The following ABLIM1 variants were observed in gnomAD, a reference collection of about 807,000 sequenced individuals.
ABLIM1 encodes actin binding LIM protein 1.
In ABLIM1, 40 loss-of-function variants were observed where a neutral mutation model predicts 107.0. The ratio of observed to expected loss-of-function variants is 0.37; its 90% CI spans 0.29 to 0.49. ABLIM1 has a LOEUF of 0.49. ABLIM1 is among the 20% of genes least tolerant of loss of function. The pLI is 0.97. For synonymous variants in ABLIM1, 357 were observed against 357.3 expected, an observed-to-expected ratio of 1.00 and a Z score of 0.01; for missense variants, 857 against 1,008.5, an observed-to-expected ratio of 0.85 and a Z score of 2.04.
At chr10:114,443,060 G>A (rs572965732) in intron 17 of ABLIM1, among the ~76,000 whole-genome samples, 8 of 152,066 alleles carry the variant, frequency 5.3e-5, no homozygotes, top group South Asian at 2.1e-4. Flanking sequence ...GGATGGTCTC[G>A]ATCTCCTGAC....
At chr10:114,500,418 T>C (rs567073753) in intron 6 of ABLIM1, among the ~76,000 whole-genome samples, 121 of 152,204 alleles carry the variant, frequency 7.9e-4, no homozygotes, top group African/African-American at 2.7e-3. Flanking sequence ...AAACCTACTA[T>C]GGCCAAAGTG....
At chr10:114,607,025 T>C (rs1047096852) in intron 1 of ABLIM1, among the ~76,000 whole-genome samples, 1 of 152,080 alleles carries the variant, frequency 6.6e-6, no homozygotes, top group Non-Finnish European at 1.5e-5. Flanking sequence ...GGCCCTCAAC[T>C]CCTTTTTCTC....
chr10:114,708,283 C>T (rs545989374), intron 1 of ABLIM1, among the ~76,000 whole-genome samples: 1 of 152,316 alleles, frequency 6.6e-6, no homozygotes, highest in East Asian at 1.9e-4. Context: ...CATAGCTACA[C>T]CCTCTGAAGG....
At position 114,658,042 on chromosome 10, in the gene ABLIM1, C is replaced by A. The variant is rs896032946; in HGVS notation, c.159G>T (p.Arg53Ser). 6.8e-6 allele frequency: 11 copies of A among 1,614,076 alleles called. No individual in the cohort carries two copies. The African/African-American group carries it at 1.3e-4, about 20-fold the overall frequency. The change falls in exon 1 of 23, where the codon AGG (arginine) becomes AGT (serine). Residue 53 changes from arginine to serine, a missense_variant. Transcript: ENST00000533213. ...RVSGTSFTAH[R>S]RATITHLLYL... ...ACAGCAAATGAGTGATAGTGGCACG[C>A]CTATGAGCGGTGAAGGAGGTCCCAG...
intron 1 of ABLIM1, among the ~76,000 whole-genome samples, chr10:114,746,039 T>C (rs1343021536): frequency 6.6e-6 from 1 of 152,198 alleles, no homozygotes. Context: ...CAAATTTGAA[T>C]ACAGTGTGGA....
At chr10:114,775,287 G>A in the ABLIM1 span, among the ~76,000 whole-genome samples, 16 of 152,122 alleles carry the variant, frequency 1.1e-4, no homozygotes, top group Non-Finnish European at 1.3e-4. Context: ...ATTACAATTC[G>A]AGATGAGATT....
At position 114,477,973 on chromosome 10, in the gene ABLIM1, C is replaced by T. The variant is rs145020248; in HGVS notation, c.1042-4017G>A. The stretch of plus-strand genomic sequence containing the variant: ...TCCTGACCTCATGATTTGCCTGCCT[C>T]GGCCTCCCAAAGTGCTGGGATTACA... On this transcript the variant is annotated intron_variant, in intron 8 of 22. Coordinates refer to ENST00000533213, the MANE Select transcript of ABLIM1 (RefSeq NM_002313.7). 6.0e-3 allele frequency among the ~76,000 whole-genome samples: 912 copies of T among 152,264 alleles called. 16 individuals are homozygous for T. The highest frequency in any genetic ancestry group is 0.021 in the African/African-American group (882 of 41,544).
rs1447589755 is a variant in ABLIM1 at position 114,433,329 on chromosome 10, C to T, written c.*2931G>A. Reference sequence around the variant, plus strand: ...AGCCCAGTTTAACTAAATGTGCAGGCATTCTAGCCCACACATTCAATCTGG... The same window carrying T: ...AGCCCAGTTTAACTAAATGTGCAGGTATTCTAGCCCACACATTCAATCTGG... On this transcript the variant is annotated 3_prime_UTR_variant, in exon 23 of 23. Coordinates refer to ENST00000533213, the MANE Select transcript of ABLIM1 (RefSeq NM_002313.7). The T allele has an allele frequency of 1.3e-5, 2 of 152,208 alleles. No individual in the cohort carries two copies. The highest frequency in any genetic ancestry group is 6.5e-5 in the Admixed American group (1 of 15,282). 9.4% of individuals were successfully genotyped at this position (152,208 alleles called of 1,614,324 possible). A position where few individuals can be genotyped will look rare whatever the true frequency, so the allele number is the denominator to read the frequency against.
intron 1 of ABLIM1, among the ~76,000 whole-genome samples, chr10:114,609,986 G>A (rs1269239352): frequency 2.0e-5 from 3 of 152,164 alleles, no homozygotes; most frequent in Non-Finnish European, 4.4e-5. Context: ...GGCCACATTT[G>A]GAAGCACTGT....
the ABLIM1 span, chr10:114,779,167 A>G: frequency 2.6e-5 from 4 of 152,194 alleles, no homozygotes; most frequent in African/African-American, 4.8e-5. Context: ...TTCTCTCCTT[A>G]ATCAGTAATA....
At chr10:114,737,483 C>G (rs1272521876) in intron 1 of ABLIM1, among the ~76,000 whole-genome samples, 1 of 152,212 alleles carries the variant, frequency 6.6e-6, no homozygotes, top group East Asian at 1.9e-4. Flanking sequence ...TTCCAAATCC[C>G]TCCCAACCTG....
chr10:114,693,644 T>C (rs976700556), intron 1 of ABLIM1, among the ~76,000 whole-genome samples: 2 of 151,970 alleles, frequency 1.3e-5, no homozygotes, highest in African/African-American at 2.4e-5. Context: ...TCTTTCTTTT[T>C]ATTTCTTTTT....
chr10:114,454,497 G>C (rs1410083742), intron 12 of ABLIM1, among the ~76,000 whole-genome samples: 1 of 152,118 alleles, frequency 6.6e-6, no homozygotes, highest in Non-Finnish European at 1.5e-5. Flanking sequence ...GAAGGGTGCA[G>C]ACTGGAGGAG....
At chr10:114,491,012 G>GTGTGTGTGTGTGTGTATATATATA in intron 7 of ABLIM1, among the ~76,000 whole-genome samples, 21 of 92,380 alleles carry the variant, frequency 2.3e-4, no homozygotes, top group African/African-American at 8.8e-4. Flanking sequence ...GTGTGTGTGT[G>GTGTGTGTGTGTGTGTATATATATA]TATATATATA....
At chr10:114,655,656 G>A (rs533848691) in intron 1 of ABLIM1, among the ~76,000 whole-genome samples, 21 of 152,294 alleles carry the variant, frequency 1.4e-4, no homozygotes, top group African/African-American at 4.6e-4. Context: ...TGATTTTTGA[G>A]GGAGGTGTCA....
At chr10:114,601,686 C>G (rs758530158) in intron 2 of ABLIM1, 141 bp downstream of exon 2, 16 of 1,364,558 alleles carry the variant, frequency 1.2e-5, no homozygotes, top group Non-Finnish European at 1.4e-5. Context: ...GAATCCCAAA[C>G]TGGCAGTAAA....
intron 22 of ABLIM1, 84 bp from the exon 23 acceptor site, chr10:114,436,457 CAG>C: frequency 2.0e-6 from 2 of 997,716 alleles, no homozygotes; most frequent in Non-Finnish European, 3.0e-6. Context: ...ATAGTTTATA[CAG>C]AGTCATTCTG....
intron 1 of ABLIM1, among the ~76,000 whole-genome samples, chr10:114,751,711 C>T (rs2082515307): frequency 6.8e-6 from 1 of 147,394 alleles, no homozygotes; most frequent in South Asian, 2.1e-4. Flanking sequence ...GATTACACCA[C>T]TGCACTCCAG....
chr10:114,586,601 G>A (rs929523853), intron 2 of ABLIM1, among the ~76,000 whole-genome samples: 3 of 152,208 alleles, frequency 2.0e-5, no homozygotes, highest in African/African-American at 7.2e-5. Flanking sequence ...CATGTACTAA[G>A]AGATGTGGGT....
Sources: allele counts gnomAD v4.1 joint callset (sites outside exome capture counted in the v4.1 genomes callset), GRCh38; gene constraint gnomAD v4.1.1; transcripts MANE v1.5; gene names NCBI Gene and HGNC (gene_info 2026-07-23, HGNC 2026-07-21).